Variants in ARB2A observed in about 807,000 individuals in gnomAD.
ARB2A encodes cotranscriptional regulator ARB2A.
At chr5:93,986,366 G>A in the ARB2A span, among the ~76,000 whole-genome samples, 1 of 151,690 alleles carries the variant, frequency 6.6e-6, no homozygotes, top group African/African-American at 2.4e-5. Context: ...TGGTAGGTGA[G>A]GGGCGCCCCC....
chr5:93,741,702 G>C, the ARB2A span: 2 of 1,008,204 alleles, frequency 2.0e-6, no homozygotes, highest in African/African-American at 1.6e-5. Flanking sequence ...GCGTAGGCGG[G>C]GAAATCTGGT....
the ARB2A span, chr5:93,621,123 T>C: frequency 2.5e-6 from 4 of 1,611,422 alleles, no homozygotes; most frequent in East Asian, 2.2e-5. Flanking sequence ...CTCGTGACGG[T>C]CGGTGCCTGC....
the ARB2A span, among the ~76,000 whole-genome samples, chr5:94,046,501 G>A: frequency 6.6e-6 from 1 of 152,166 alleles, no homozygotes; most frequent in Non-Finnish European, 1.5e-5. Context: ...CATGTGGAAA[G>A]CATGCCCACT....
At chr5:93,980,186 G>T in the ARB2A span, among the ~76,000 whole-genome samples, 2 of 152,060 alleles carry the variant, frequency 1.3e-5, no homozygotes, top group African/African-American at 4.8e-5. Flanking sequence ...TTTAGCAAAA[G>T]GTAAACTGTC....
At chr5:94,084,274 C>CAAAAAAAAAAAAAAAAAAGAAAAA in the ARB2A span, among the ~76,000 whole-genome samples, 1 of 73,122 alleles carries the variant, frequency 1.4e-5, no homozygotes, top group Non-Finnish European at 2.8e-5. Context: ...AACTTCATCT[C>CAAAAAAAAAAAAAAAAAAGAAAAA]AAAAAAAAAA....
the ARB2A span, among the ~76,000 whole-genome samples, chr5:93,769,844 CCTT>C: frequency 1.3e-5 from 2 of 152,122 alleles, no homozygotes; most frequent in Non-Finnish European, 2.9e-5. Flanking sequence ...TGTACAATTT[CCTT>C]CTGATTTAGG....
the ARB2A span, among the ~76,000 whole-genome samples, chr5:93,833,721 C>CT: frequency 1.3e-5 from 2 of 152,236 alleles, no homozygotes. Flanking sequence ...GCTTTTTATA[C>CT]TAAACAAGTA....
At chr5:93,737,785 T>C in the ARB2A span, 1 of 338,612 alleles carries the variant, frequency 3.0e-6, no homozygotes, top group Non-Finnish European at 5.8e-6. Flanking sequence ...GCTATCCACA[T>C]GCAAAAGAAT....
At chr5:93,849,717 AT>A in the ARB2A span, among the ~76,000 whole-genome samples, 3 of 152,158 alleles carry the variant, frequency 2.0e-5, no homozygotes, top group Non-Finnish European at 4.4e-5. Context: ...CAAAGGTAAA[AT>A]ATTTTTATAG....
At chr5:94,025,690 A>G in the ARB2A span, among the ~76,000 whole-genome samples, 1 of 152,276 alleles carries the variant, frequency 6.6e-6, no homozygotes, top group Non-Finnish European at 1.5e-5. Context: ...TAGTGAAAAG[A>G]ATATGAAGTT....
chr5:93,640,448 C>CA, the ARB2A span, among the ~76,000 whole-genome samples: 61 of 137,964 alleles, frequency 4.4e-4, no homozygotes, highest in Admixed American at 5.1e-4. Context: ...GACTCCGTCT[C>CA]AAAAAAAAAA....
chr5:93,966,013 C>A, the ARB2A span, among the ~76,000 whole-genome samples: 1 of 151,960 alleles, frequency 6.6e-6, no homozygotes, highest in African/African-American at 2.4e-5. Context: ...AGTATTCTTA[C>A]ATTTCAACAT....
chr5:93,728,899 T>C, the ARB2A span, among the ~76,000 whole-genome samples: 1 of 152,292 alleles, frequency 6.6e-6, no homozygotes, highest in Admixed American at 6.5e-5. Context: ...TATTAATCTT[T>C]AATGTTAAGA....
chr5:93,716,735 A>C, the ARB2A span, among the ~76,000 whole-genome samples: 1 of 149,962 alleles, frequency 6.7e-6, no homozygotes, highest in South Asian at 2.1e-4. Flanking sequence ...TGCCAAGTTT[A>C]ACAAAAGGAC....
the ARB2A span, among the ~76,000 whole-genome samples, chr5:94,089,281 T>A: frequency 2.0e-5 from 3 of 152,156 alleles, no homozygotes; most frequent in Admixed American, 2.0e-4. Flanking sequence ...GGTACACAAA[T>A]CAGCAGTGAG....
the ARB2A span, among the ~76,000 whole-genome samples, chr5:93,747,293 A>T: frequency 1.3e-5 from 2 of 152,096 alleles, no homozygotes; most frequent in Non-Finnish European, 2.9e-5. Flanking sequence ...AAATTAATTG[A>T]CTTTGATGCT....
At chr5:93,937,437 T>C in the ARB2A span, among the ~76,000 whole-genome samples, 2 of 125,272 alleles carry the variant, frequency 1.6e-5, no homozygotes, top group African/African-American at 5.2e-5. Flanking sequence ...CCCATCTCTA[T>C]TAAAAAAAAA....
chr5:93,924,853 T>C, the ARB2A span, among the ~76,000 whole-genome samples: 3 of 152,194 alleles, frequency 2.0e-5, no homozygotes, highest in East Asian at 3.8e-4. Context: ...CCTCTGCTTT[T>C]TCTTAGTCCA....
At chr5:93,770,942 G>A in the ARB2A span, among the ~76,000 whole-genome samples, 1 of 151,890 alleles carries the variant, frequency 6.6e-6, no homozygotes, top group Non-Finnish European at 1.5e-5. Flanking sequence ...TCACAGAATT[G>A]GAAAAAACTA....
Sources: allele counts gnomAD v4.1 joint callset (sites outside exome capture counted in the v4.1 genomes callset), GRCh38; gene constraint gnomAD v4.1.1; transcripts MANE v1.5; gene names NCBI Gene and HGNC (gene_info 2026-07-23, HGNC 2026-07-21).